Variants in GRK3 observed in about 807,000 individuals in gnomAD.
GRK3 encodes G protein-coupled receptor kinase 3, also known as adrenergic, beta, receptor kinase 2.
In GRK3, 54 loss-of-function variants were observed where a neutral mutation model predicts 95.7. That is an observed-to-expected ratio of 0.56 (90% CI 0.45 to 0.71). GRK3 has a LOEUF of 0.71. GRK3 is among the 30% of genes least tolerant of loss of function. GRK3 has a pLI of 0.00. For missense variants in GRK3, 649 were observed against 851.2 expected (o/e 0.76, Z 2.96); for synonymous variants, 281 against 290.8 (o/e 0.97, Z 0.34).
At chr22:25,621,933 T>C (rs1293736490) in intron 2 of GRK3, among the ~76,000 whole-genome samples, 1 of 152,222 alleles carries the variant, frequency 6.6e-6, no homozygotes, top group Non-Finnish European at 1.5e-5. Flanking sequence ...TTATTGGCTC[T>C]ACATGTTAAG....
chr22:25,699,387 C>T (rs559622810), intron 13 of GRK3, among the ~76,000 whole-genome samples: 6 of 152,186 alleles, frequency 3.9e-5, no homozygotes, highest in Admixed American at 6.5e-5. Context: ...ACTCCTGGGG[C>T]GCCTGTCCTC....
rs75171382 is a variant in GRK3 at position 25,598,925 on chromosome 22, A to G, written c.114-5452A>G. On this transcript the variant is annotated intron_variant, in intron 1 of 20. Transcript: ENST00000324198. ...ACATTTACAGTAATTGATTTTTGAA[A>G]AAATGCCAAGACAATTTAGTGGGGG... Among the ~76,000 whole-genome samples the G allele has an allele frequency of 5.0e-3, 758 of 152,288 alleles. 20 individuals carry two copies. The East Asian group carries it at 0.062, about 12-fold the overall frequency.
At chr22:25,649,321 C>T in intron 3 of GRK3, 1 of 688,446 alleles carries the variant, frequency 1.5e-6, no homozygotes. Flanking sequence ...AGAAGAAAAT[C>T]TTCTTTACTC....
chr22:25,571,439 A>G (rs138240994), intron 1 of GRK3, among the ~76,000 whole-genome samples: 2 of 152,374 alleles, frequency 1.3e-5, no homozygotes, highest in African/African-American at 4.8e-5. Context: ...ACATTTGTAA[A>G]TAATAGGAAA....
At chr22:25,621,513 G>A (rs1277144275) in intron 2 of GRK3, among the ~76,000 whole-genome samples, 2 of 151,986 alleles carry the variant, frequency 1.3e-5, no homozygotes, top group South Asian at 4.1e-4. Context: ...AAAACAATTA[G>A]TGAGACTAGG....
rs1248669155 is a variant in GRK3, at chr22:25,645,539, A to G, written c.264+874A>G. On this transcript the variant is annotated intron_variant, in intron 3 of 20. Coordinates refer to ENST00000324198, the MANE Select transcript of GRK3 (RefSeq NM_005160.4). ...AGTGGGGTGGGAGGCCAAAGAGCTAAGCTGAAAACTTGTAATGGGCAGAAC... is the reference window on the plus strand; with the variant it reads ...AGTGGGGTGGGAGGCCAAAGAGCTAGGCTGAAAACTTGTAATGGGCAGAAC... 2.6e-5 allele frequency among the ~76,000 whole-genome samples: 4 copies of G among 152,336 alleles called. No individual in the cohort carries two copies. The East Asian group carries it at 7.7e-4, about 29-fold the overall frequency.
chr22:25,694,838 A>G lies in GRK3; in HGVS notation c.1053-269A>G, dbSNP rs139166860. On this transcript the variant is annotated intron_variant, in intron 12 of 20. Transcript: ENST00000324198. Reference sequence around the variant, plus strand: ...GAGAACCTTTGCTCTTCATAGCTGGAGTAGAGAAGGACTAATGAGATCCCG... The same window carrying G: ...GAGAACCTTTGCTCTTCATAGCTGGGGTAGAGAAGGACTAATGAGATCCCG... Among the ~76,000 whole-genome samples, 238 of 152,354 alleles carry G rather than the reference A, an allele frequency of 1.6e-3. 10 individuals carry two copies. In the East Asian group the frequency reaches 0.033, roughly 21 times the overall value.
At chr22:25,606,410 C>A (rs909796733) in intron 2 of GRK3, among the ~76,000 whole-genome samples, 1 of 152,074 alleles carries the variant, frequency 6.6e-6, no homozygotes, top group African/African-American at 2.4e-5. Flanking sequence ...TGGCCTGCTC[C>A]CCGTTTTTCT....
At chr22:25,601,306 G>A (rs935335459) in intron 1 of GRK3, among the ~76,000 whole-genome samples, 6 of 152,144 alleles carry the variant, frequency 3.9e-5, no homozygotes, top group African/African-American at 1.4e-4. Flanking sequence ...GTTATTCAAA[G>A]TGTGTTTTCT....
Position 25,687,687 on chromosome 22 carries a change from T to A in GRK3, c.957+20T>A. ...TTGAAGGTGAGGACGATTGACAGAC[T>A]CATTCTGCATAGTAGGTATTGTGTG... On this transcript the variant is annotated intron_variant, in intron 11 of 20. Coordinates refer to ENST00000324198, the MANE Select transcript of GRK3 (RefSeq NM_005160.4). 6.2e-7 allele frequency: 1 copy of A among 1,613,824 alleles called. No homozygotes were observed. Among genetic ancestry groups the A allele is most frequent in the Non-Finnish European group, 8.5e-7 (1 of 1,179,770 alleles).
intron 1 of GRK3, among the ~76,000 whole-genome samples, chr22:25,582,283 A>G (rs750514771): frequency 2.0e-5 from 3 of 148,446 alleles, no homozygotes; most frequent in Non-Finnish European, 3.0e-5. Flanking sequence ...CCCTGTCTCA[A>G]AAAAAAAAAA....
At chr22:25,648,479 G>T (rs549620344) in intron 3 of GRK3, 1 of 1,380,592 alleles carries the variant, frequency 7.2e-7, no homozygotes, top group Non-Finnish European at 1.0e-6. Flanking sequence ...GCAAAGTGTG[G>T]ATGGGAATAT....
At chr22:25,668,860 A>G (rs1355116447) in intron 6 of GRK3, among the ~76,000 whole-genome samples, 1 of 152,158 alleles carries the variant, frequency 6.6e-6, no homozygotes, top group East Asian at 1.9e-4. Context: ...AGGTTCTCCC[A>G]TGGATATTTT....
At chr22:25,626,692 A>T (rs758038545) in intron 2 of GRK3, among the ~76,000 whole-genome samples, 26 of 152,246 alleles carry the variant, frequency 1.7e-4, no homozygotes, top group Admixed American at 1.0e-3. Context: ...TCTAGCAAGT[A>T]GTCATTTTAT....
chr22:25,702,347 A>G (rs982532559), intron 13 of GRK3, among the ~76,000 whole-genome samples: 2 of 152,226 alleles, frequency 1.3e-5, no homozygotes, highest in African/African-American at 4.8e-5. Context: ...ATTCTTTTTT[A>G]GAATCTCTGA....
chr22:25,701,035 A>C (rs1305076212), intron 13 of GRK3, among the ~76,000 whole-genome samples: 3 of 152,164 alleles, frequency 2.0e-5, no homozygotes, highest in Non-Finnish European at 4.4e-5. Flanking sequence ...CAATTTTCCA[A>C]CTCATTTAGG....
intron 5 of GRK3, 77 bp from the exon 6 acceptor site, chr22:25,667,662 C>A (rs956701482): frequency 1.9e-6 from 2 of 1,039,706 alleles, no homozygotes; most frequent in Non-Finnish European, 3.0e-6. Context: ...CTTCGCTTAA[C>A]CTGAGTCTCA....
At chr22:25,699,994 G>C (rs1342512898) in intron 13 of GRK3, among the ~76,000 whole-genome samples, 3 of 152,138 alleles carry the variant, frequency 2.0e-5, no homozygotes, top group Non-Finnish European at 4.4e-5. Context: ...CCCCGCGCCC[G>C]GCCGCTCTGT....
At chr22:25,566,585 G>GA (rs1452991110) in intron 1 of GRK3, among the ~76,000 whole-genome samples, 1 of 152,122 alleles carries the variant, frequency 6.6e-6, no homozygotes, top group Non-Finnish European at 1.5e-5. Flanking sequence ...GAAAATGAGG[G>GA]AAAAGTGCAA....
Sources: allele counts gnomAD v4.1 joint callset (sites outside exome capture counted in the v4.1 genomes callset), GRCh38; gene constraint gnomAD v4.1.1; transcripts MANE v1.5; gene names NCBI Gene and HGNC (gene_info 2026-07-23, HGNC 2026-07-21).